The following ZBTB20 variants were observed in gnomAD, a reference collection of about 807,000 sequenced individuals.
ZBTB20 encodes zinc finger and BTB domain containing 20, also known as zinc finger and BTB domain-containing protein 20.
A neutral mutation model predicts 56.9 loss-of-function variants in ZBTB20; 9 were observed. The observed-to-expected ratio is 0.16, with a 90% CI of 0.10 to 0.28. The LOEUF (loss-of-function observed/expected upper bound fraction) is 0.28, where lower values mean the gene tolerates loss of function less well. Ranked by LOEUF, ZBTB20 falls within the 10% of genes least tolerant of loss-of-function variation. ZBTB20 has a pLI of 1.00. For missense variants in ZBTB20, 655 were observed against 1,003.0 expected (o/e 0.65, Z 4.69); for synonymous variants, 417 against 420.7 (o/e 0.99, Z 0.11).
At chr3:114,761,843 GAAAA>G (rs796075723) in intron 5 of ZBTB20, among the ~76,000 whole-genome samples, 1 of 126,106 alleles carries the variant, frequency 7.9e-6, no homozygotes, top group African/African-American at 2.9e-5. Context: ...CAAAAAAAAA[GAAAA>G]AAAAAAAAGA....
In ZBTB20 at chr3:114,339,727, C is replaced by T. The variant is rs769203095; in HGVS notation, c.1805-301G>A. ...CCACTAAAAGTCTTCAAGGTCACTC[C>T]GTGGAAAAGGGAGGGCTACTTTTGA... On this transcript the variant is annotated intron_variant, in intron 11 of 11. Coordinates refer to ENST00000675478, the MANE Select transcript of ZBTB20 (RefSeq NM_001348800.3). This position sits in a 1 kb window ranked among gnomAD's most constrained non-coding sequence, Gnocchi z 4.2. 5.3e-5 allele frequency among the ~76,000 whole-genome samples: 8 copies of T among 152,226 alleles called. No homozygotes were observed. Among genetic ancestry groups the T allele is most frequent in the African/African-American group, 1.7e-4 (7 of 41,538 alleles).
At chr3:114,614,592 CATG>C (rs377733429) in intron 6 of ZBTB20, among the ~76,000 whole-genome samples, 3 of 152,094 alleles carry the variant, frequency 2.0e-5, no homozygotes, top group African/African-American at 4.8e-5. Flanking sequence ...TTTTCTGAAC[CATG>C]ATAATTCTGC....
intron 4 of ZBTB20, among the ~76,000 whole-genome samples, chr3:114,840,042 T>A (rs1360927808): frequency 6.6e-6 from 1 of 152,214 alleles, no homozygotes; most frequent in African/African-American, 2.4e-5. Flanking sequence ...CAAGTAATTA[T>A]GTTTTCCAGA....
At position 115,036,208 on chromosome 3, in the gene ZBTB20, A is replaced by G. The variant is rs569469107; in HGVS notation, c.-507+35011T>C. On this transcript the variant is annotated intron_variant, in intron 2 of 11. Coordinates refer to ENST00000675478, the MANE Select transcript of ZBTB20 (RefSeq NM_001348800.3). ...TAATGCCACCAAACTGTACAGTTAA[A>G]ATTGAATAAGGTGGTGTATTTTATG... is the stretch of plus-strand genomic sequence containing the variant. 5.3e-5 allele frequency among the ~76,000 whole-genome samples: 8 copies of G among 152,332 alleles called. No individual in the cohort carries two copies. The East Asian group carries it at 1.5e-3, about 29-fold the overall frequency.
At chr3:114,875,180 A>G (rs2076148143) in intron 4 of ZBTB20, among the ~76,000 whole-genome samples, 1 of 152,170 alleles carries the variant, frequency 6.6e-6, no homozygotes, top group East Asian at 1.9e-4. Flanking sequence ...ACTTTGCATA[A>G]TTAACCTGAT....
chr3:114,837,995 G>A (rs370136836), intron 4 of ZBTB20, among the ~76,000 whole-genome samples: 1 of 152,182 alleles, frequency 6.6e-6, no homozygotes, highest in African/African-American at 2.4e-5. Flanking sequence ...TCTCACTCAA[G>A]TAGTGACATT....
chr3:114,821,978 A>T (rs920396962), intron 4 of ZBTB20, among the ~76,000 whole-genome samples: 2 of 152,180 alleles, frequency 1.3e-5, no homozygotes, highest in South Asian at 4.1e-4. Context: ...TGAATGAATA[A>T]AAGTAAAACT....
intron 4 of ZBTB20, among the ~76,000 whole-genome samples, chr3:114,876,040 C>A (rs2076178090): frequency 6.6e-6 from 1 of 151,888 alleles, no homozygotes; most frequent in South Asian, 2.1e-4. Flanking sequence ...TCAAGACCAG[C>A]CTGGGCAAAA....
chr3:115,064,443 C>CTTTT lies in ZBTB20; in HGVS notation c.-507+6772_-507+6775dup, dbSNP rs34098178. ...TTAAAAGTAATTTTCTCTCATAATT[C>CTTTT]TTTTTTTTTTTTTTTTTTTTTTTTT... On this transcript the variant is annotated intron_variant, in intron 2 of 11. Transcript: ENST00000675478. Among the ~76,000 whole-genome samples, 208 of 78,078 alleles carry CTTTT rather than the reference C, an allele frequency of 2.7e-3. 1 individual carries two copies. The highest frequency in any genetic ancestry group is 8.1e-3 in the East Asian group (16 of 1,984). 51.2% of individuals were successfully genotyped at this position (78,078 alleles called of 152,430 possible). A position where few individuals can be genotyped will look rare whatever the true frequency, so the allele number is the denominator to read the frequency against.
At chr3:114,420,929 G>A (rs1257553683) in intron 7 of ZBTB20, among the ~76,000 whole-genome samples, 1 of 152,094 alleles carries the variant, frequency 6.6e-6, no homozygotes, top group Non-Finnish European at 1.5e-5. Context: ...GACAAATCTA[G>A]AGAACCAGTT....
chr3:114,923,205 A>T (rs187014012), intron 3 of ZBTB20, among the ~76,000 whole-genome samples: 3 of 152,204 alleles, frequency 2.0e-5, no homozygotes, highest in Non-Finnish European at 4.4e-5. Context: ...GATATTTTTT[A>T]CAGAAATAGA....
intron 6 of ZBTB20, among the ~76,000 whole-genome samples, chr3:114,631,382 CTT>C (rs66470152): frequency 1.6e-3 from 82 of 49,802 alleles, no homozygotes; most frequent in Non-Finnish European, 2.4e-3. Flanking sequence ...ATAGGTTATT[CTT>C]TTTTTTTTTT....
At chr3:114,778,842 T>C (rs933410153) in intron 5 of ZBTB20, among the ~76,000 whole-genome samples, 18 of 152,208 alleles carry the variant, frequency 1.2e-4, no homozygotes, top group African/African-American at 4.1e-4. Flanking sequence ...CATTTGGCAG[T>C]AGTTTTCAAA....
intron 6 of ZBTB20, among the ~76,000 whole-genome samples, chr3:114,681,452 C>T (rs914585449): frequency 3.3e-5 from 5 of 152,178 alleles, no homozygotes; most frequent in Middle Eastern, 3.2e-3. Context: ...TGAGCCACCA[C>T]GCCCAGCCTG....
At chr3:114,395,824 A>G (rs1399743223) in intron 7 of ZBTB20, among the ~76,000 whole-genome samples, 1 of 152,140 alleles carries the variant, frequency 6.6e-6, no homozygotes, top group Non-Finnish European at 1.5e-5. Context: ...TCACAATCCC[A>G]CTGTTTGTCA....
At chr3:114,850,346 AG>A (rs1246346919) in intron 4 of ZBTB20, among the ~76,000 whole-genome samples, 5 of 152,192 alleles carry the variant, frequency 3.3e-5, no homozygotes, top group Non-Finnish European at 7.4e-5. Flanking sequence ...GATTTTTCAT[AG>A]GGAGTAGATG....
intron 5 of ZBTB20, among the ~76,000 whole-genome samples, chr3:114,765,529 A>T (rs546572012): frequency 2.1e-4 from 32 of 152,282 alleles, no homozygotes; most frequent in African/African-American, 6.5e-4. Flanking sequence ...AACCCTCATA[A>T]GGAACCATCC....
chr3:115,090,818 T>G (rs2083162494), intron 1 of ZBTB20, among the ~76,000 whole-genome samples: 1 of 151,924 alleles, frequency 6.6e-6, no homozygotes, highest in South Asian at 2.1e-4. Flanking sequence ...AGAAAACTCT[T>G]AAAAAGTTTG....
intron 5 of ZBTB20, among the ~76,000 whole-genome samples, chr3:114,701,553 A>G (rs1237623744): frequency 6.6e-6 from 1 of 152,180 alleles, no homozygotes; most frequent in Non-Finnish European, 1.5e-5. Context: ...TTTAATACAA[A>G]CCTGCAGTGA....
Sources: allele counts gnomAD v4.1 joint callset (sites outside exome capture counted in the v4.1 genomes callset), GRCh38; gene constraint gnomAD v4.1.1; non-coding constraint Gnocchi (gnomAD v3.1); transcripts MANE v1.5; gene names NCBI Gene and HGNC (gene_info 2026-07-23, HGNC 2026-07-21).